The following ZNF697 variants were observed in gnomAD, a reference collection of about 807,000 sequenced individuals.
ZNF697 encodes the protein zinc finger protein 697.
A neutral mutation model predicts 32.4 loss-of-function variants in ZNF697; 23 were observed. The ratio of observed to expected loss-of-function variants is 0.71; its 90% confidence interval spans 0.51 to 1.01. The LOEUF is 1.01. Ranked by LOEUF, ZNF697 falls within the 50% of genes least tolerant of loss-of-function variation. ZNF697 has a pLI of 0.00. For missense variants in ZNF697, 930 were observed against 794.0 expected, an observed-to-expected ratio of 1.17 and a Z score of -2.06; for synonymous variants, 418 against 337.2, an observed-to-expected ratio of 1.24 and a Z score of -2.62.
chr1:119,625,891 C>A lies in ZNF697; in HGVS notation c.210G>T (p.Val70=). The change falls in exon 2 of 3, where the codon GTG becomes GTT. Residue 70 remains valine, a synonymous_variant. Coordinates refer to ENST00000421812, the MANE Select transcript of ZNF697 (RefSeq NM_001080470.2). ...NPQDSRHREA[V]PDICTEGQLS... Reference sequence around the variant, plus strand: ...TCTCCTCACCTGTGCAGATGTCGGGCACTGCTTCCCTGTGCCTTGAGTCCT... The same window carrying A: ...TCTCCTCACCTGTGCAGATGTCGGGAACTGCTTCCCTGTGCCTTGAGTCCT... 6.2e-7 allele frequency: 1 copy of A among 1,613,482 alleles called. No individual in the cohort carries two copies. The highest frequency in any genetic ancestry group is 8.5e-7 in the Non-Finnish European group (1 of 1,179,736).
At chr1:119,630,212 G>A (rs1648722478) in intron 1 of ZNF697, among the ~76,000 whole-genome samples, 2 of 152,292 alleles carry the variant, frequency 1.3e-5, no homozygotes, top group South Asian at 2.1e-4. Flanking sequence ...TCGGGCTTCC[G>A]TTCCATGAGA....
chr1:119,637,387 C>T (rs972596277), intron 1 of ZNF697, among the ~76,000 whole-genome samples: 5 of 152,160 alleles, frequency 3.3e-5, no homozygotes, highest in Non-Finnish European at 7.3e-5. Flanking sequence ...GATGTGGGCC[C>T]GGTGGCAGGG....
chr1:119,636,968 C>G (rs1648939862), intron 1 of ZNF697, among the ~76,000 whole-genome samples: 1 of 152,182 alleles, frequency 6.6e-6, no homozygotes, highest in African/African-American at 2.4e-5. Flanking sequence ...AATTTATAAG[C>G]TTGACCCCAG....
rs10923879 is a variant in ZNF697, at chr1:119,621,208, A to G, written c.*1497T>C. The G allele has an allele frequency of 0.67, 102,556 of 152,078 alleles. 35,359 individuals carry two copies. The highest frequency in any genetic ancestry group is 0.82 in the African/African-American group (34,188 of 41,522). The allele number at this position is 152,078 out of a possible 1,614,324, so 9.4% of individuals were successfully genotyped here. On this transcript the variant is annotated 3_prime_UTR_variant, in exon 3 of 3. Coordinates refer to ENST00000421812, the MANE Select transcript of ZNF697 (RefSeq NM_001080470.2). ...AAGAATTTTCAGTGTCCTTAATTTT[A>G]TTATATAAATCATGACAAGTAAGTC...
chr1:119,645,441 T>C (rs1649176083), intron 1 of ZNF697, among the ~76,000 whole-genome samples: 1 of 152,176 alleles, frequency 6.6e-6, no homozygotes. Flanking sequence ...ATTTTGACTG[T>C]AAAGTTTGGG....
intron 1 of ZNF697, among the ~76,000 whole-genome samples, chr1:119,629,135 G>T (rs1459954109): frequency 1.3e-5 from 2 of 152,158 alleles, no homozygotes; most frequent in African/African-American, 4.8e-5. Context: ...CCAGAAGCTG[G>T]TATATAGTTT....
chr1:119,632,308 C>T (rs916185560), intron 1 of ZNF697, among the ~76,000 whole-genome samples: 1 of 152,186 alleles, frequency 6.6e-6, no homozygotes, highest in South Asian at 2.1e-4. Context: ...GACTGCCCAA[C>T]CCAAAATGCC....
intron 1 of ZNF697, among the ~76,000 whole-genome samples, chr1:119,626,694 G>A (rs143601318): frequency 2.0e-5 from 3 of 152,232 alleles, no homozygotes; most frequent in Non-Finnish European, 2.9e-5. Flanking sequence ...AAGAATAATA[G>A]AAGCATCAAG....
chr1:119,632,862 C>A (rs979074134), intron 1 of ZNF697, among the ~76,000 whole-genome samples: 2 of 152,220 alleles, frequency 1.3e-5, no homozygotes, highest in African/African-American at 4.8e-5. Flanking sequence ...TGATTAGAAT[C>A]TTCCGCGACA....
At chr1:119,647,010 A>T (rs587715534) in intron 1 of ZNF697, among the ~76,000 whole-genome samples, 1 of 151,436 alleles carries the variant, frequency 6.6e-6, no homozygotes, top group East Asian at 2.0e-4. Flanking sequence ...AAGGACAGGG[A>T]TACATCACCA....
In ZNF697 at chr1:119,624,133, T is replaced by C; in HGVS notation, c.227-17A>G. 1.3e-6 allele frequency: 2 copies of C among 1,539,672 alleles called. No homozygotes were observed. The highest frequency in any genetic ancestry group is 1.8e-6 in the Non-Finnish European group (2 of 1,141,296). On this transcript the variant is annotated splice_polypyrimidine_tract_variant and intron_variant, in intron 2 of 2. Transcript: ENST00000421812. ...GCTGCCCCTCTGCAACAGAAAAAGG[T>C]GGCAGTGGGGGATTACTATACTTGG...
chr1:119,644,565 A>T (rs1490572158), intron 1 of ZNF697, among the ~76,000 whole-genome samples: 2 of 152,226 alleles, frequency 1.3e-5, no homozygotes, highest in Non-Finnish European at 2.9e-5. Flanking sequence ...CTCAGTTCAG[A>T]ATCTGGGACT....
At chr1:119,624,260 G>T in intron 2 of ZNF697, 144 bp from the exon 3 acceptor site, 1 of 1,054,788 alleles carries the variant, frequency 9.5e-7, no homozygotes. Context: ...TGAGAGTTTA[G>T]CCTCTCTCAA....
chr1:119,641,247 G>C (rs587695580), intron 1 of ZNF697, among the ~76,000 whole-genome samples: 84 of 152,316 alleles, frequency 5.5e-4, no homozygotes, highest in African/African-American at 1.9e-3. Context: ...TTGTTATAAG[G>C]GGGGTGGTAA....
chr1:119,624,490 A>G (rs893893037), intron 2 of ZNF697, among the ~76,000 whole-genome samples: 3 of 152,258 alleles, frequency 2.0e-5, no homozygotes, highest in African/African-American at 4.8e-5. Context: ...TACTCACTCC[A>G]AGAGCTACCA....
intron 2 of ZNF697, 54 bp from the exon 3 acceptor site, chr1:119,624,170 T>TAAGCCCAGAGGAAACCTCAGTAATA (rs1553228465): frequency 6.6e-7 from 1 of 1,507,452 alleles, no homozygotes. Context: ...ATTCAAAAGA[T>TAAGCCCAGAGGAAACCTCAGTAATA]AAGCCCAGAG....
At position 119,622,604 on chromosome 1, in the gene ZNF697, T is replaced by C. The variant is rs1291634329; in HGVS notation, c.*101A>G. 1.4e-6 allele frequency: 2 copies of C among 1,430,452 alleles called. No individual in the cohort carries two copies. The highest frequency in any genetic ancestry group is 2.9e-5 in the Admixed American group (1 of 34,730). 88.6% of individuals were successfully genotyped at this position (1,430,452 alleles called of 1,614,324 possible). ...CAAAGGCTCCCCAGTCACTCTCAGA[T>C]TGTCCCTCCCGCCCCTTCCCCACTT... On this transcript the variant is annotated 3_prime_UTR_variant, in exon 3 of 3. Transcript: ENST00000421812.
Position 119,648,202 on chromosome 1 carries a change from T to TGGCTGGCTGGCTGGCTGGCTGGC in ZNF697, c.-550_-549insGCCAGCCAGCCAGCCAGCCAGCC. Among the ~76,000 whole-genome samples the TGGCTGGCTGGCTGGCTGGCTGGC allele has an allele frequency of 6.7e-6, 1 of 150,298 alleles. No homozygotes were observed. Among genetic ancestry groups the TGGCTGGCTGGCTGGCTGGCTGGC allele is most frequent in the Non-Finnish European group, 1.5e-5 (1 of 67,328 alleles). On this transcript the variant is annotated 5_prime_UTR_variant, in exon 1 of 3. Transcript: ENST00000421812. Reference sequence around the variant, plus strand: ...GCTGGGTGGCCCGCTGGCTGGCTGGTTGGCTGGCTGGCTGGCTGGCTGGCT... The same window carrying TGGCTGGCTGGCTGGCTGGCTGGC: ...GCTGGGTGGCCCGCTGGCTGGCTGGTGGCTGGCTGGCTGGCTGGCTGGCTGGCTGGCTGGCTGGCTGGCTGGCT...
rs755230084 is a variant in ZNF697 at position 119,624,130 on chromosome 1, A to T, written c.227-14T>A. 2 of 1,541,792 alleles carry T rather than the reference A, an allele frequency of 1.3e-6. No homozygotes were observed. The highest frequency in any genetic ancestry group is 1.2e-5 in the South Asian group (1 of 80,002). ...TCAGCTGCCCCTCTGCAACAGAAAA[A>T]GGTGGCAGTGGGGGATTACTATACT... On this transcript the variant is annotated splice_polypyrimidine_tract_variant and intron_variant, in intron 2 of 2. Coordinates refer to ENST00000421812, the MANE Select transcript of ZNF697 (RefSeq NM_001080470.2).
Sources: allele counts gnomAD v4.1 joint callset (sites outside exome capture counted in the v4.1 genomes callset), GRCh38; gene constraint gnomAD v4.1.1; transcripts MANE v1.5; gene names NCBI Gene and HGNC (gene_info 2026-07-23, HGNC 2026-07-21).